Variants in SEL1L3 observed in about 807,000 individuals in gnomAD.
SEL1L3 encodes SEL1L family member 3.
SEL1L3 carries 76 observed loss-of-function variants against 142.8 expected under a neutral mutation model. The ratio of observed to expected loss-of-function variants is 0.53; its 90% confidence interval spans 0.44 to 0.64. The LOEUF (loss-of-function observed/expected upper bound fraction) is 0.64, where lower values mean the gene tolerates loss of function less well. Ranked by LOEUF, SEL1L3 falls within the 30% of genes least tolerant of loss-of-function variation. The pLI, the probability that SEL1L3 is intolerant of heterozygous loss-of-function variation, is 0.00. For synonymous variants in SEL1L3, 504 were observed against 519.6 expected (o/e 0.97, Z 0.41); for missense variants, 1,262 against 1,381.7 (o/e 0.91, Z 1.37).
At chr4:25,775,629 A>AG (rs1719557830) in intron 17 of SEL1L3, among the ~76,000 whole-genome samples, 1 of 152,228 alleles carries the variant, frequency 6.6e-6, no homozygotes, top group African/African-American at 2.4e-5. Context: ...AAGTTAGGAG[A>AG]GGGGTCCCTT....
intron 2 of SEL1L3, 86 bp downstream of exon 2, chr4:25,847,208 T>C: frequency 3.5e-6 from 4 of 1,130,228 alleles, no homozygotes; most frequent in Non-Finnish European, 5.1e-6. Context: ...CCTTCGCTAA[T>C]AGAAGAATTT....
At chr4:25,821,709 G>A (rs935219963) in intron 7 of SEL1L3, among the ~76,000 whole-genome samples, 4 of 152,160 alleles carry the variant, frequency 2.6e-5, no homozygotes, top group African/African-American at 9.7e-5. Context: ...TAGCTTAATC[G>A]CTGGATAGGC....
At chr4:25,812,234 GTTTGCCTGCC>G (rs1560322363) in intron 9 of SEL1L3, among the ~76,000 whole-genome samples, 2 of 152,134 alleles carry the variant, frequency 1.3e-5, no homozygotes, top group Non-Finnish European at 2.9e-5. Context: ...ACACTCCTCA[GTTTGCCTGCC>G]TGGCAAACAG....
rs746316596 is a variant in SEL1L3, at chr4:25,757,810, C to A, written c.3084-20G>T. 3 of 1,549,364 alleles carry A rather than the reference C, an allele frequency of 1.9e-6. No homozygotes were observed. The highest frequency in any genetic ancestry group is 2.7e-5 in the African/African-American group (2 of 73,340). ...CAGCACCTGCAGACAAAGCCCAGGG[C>A]ATCTTGACGTGTCAGCCAACTTTGG... On this transcript the variant is annotated intron_variant, in intron 21 of 23. Transcript: ENST00000399878.
intron 21 of SEL1L3, among the ~76,000 whole-genome samples, chr4:25,758,657 TTTTC>T (rs752088441): frequency 6.6e-6 from 1 of 151,106 alleles, no homozygotes; most frequent in Admixed American, 6.6e-5. Flanking sequence ...ATCCTGGGCT[TTTTC>T]TTTCTTTTCT....
intron 6 of SEL1L3, among the ~76,000 whole-genome samples, chr4:25,829,238 G>A (rs1033470832): frequency 3.3e-5 from 5 of 152,164 alleles, no homozygotes; most frequent in Non-Finnish European, 5.9e-5. Flanking sequence ...CTCCCAAAGC[G>A]CTGGGATTAC....
the SEL1L3 span, among the ~76,000 whole-genome samples, chr4:25,731,226 C>T: frequency 0.071 from 10,793 of 152,138 alleles, 791 homozygotes; most frequent in African/African-American, 0.18. Flanking sequence ...GATTTGTTGG[C>T]CCTATCTCTT....
At chr4:25,753,976 C>T (rs887068793) in intron 23 of SEL1L3, among the ~76,000 whole-genome samples, 86 of 133,476 alleles carry the variant, frequency 6.4e-4, no homozygotes, top group African/African-American at 2.2e-3. Flanking sequence ...AGTGAGACTC[C>T]GTCTCAACAT....
chr4:25,740,563 A>G, the SEL1L3 span, among the ~76,000 whole-genome samples: 3 of 152,110 alleles, frequency 2.0e-5, no homozygotes, highest in African/African-American at 7.2e-5. Flanking sequence ...TTGCTCTCTC[A>G]AACAGTGCTG....
intron 20 of SEL1L3, among the ~76,000 whole-genome samples, chr4:25,761,442 C>G (rs1010773514): frequency 3.3e-5 from 5 of 152,172 alleles, no homozygotes; most frequent in Non-Finnish European, 7.3e-5. Flanking sequence ...AGGGTTGAGC[C>G]ACCGCGCCCA....
intron 1 of SEL1L3, among the ~76,000 whole-genome samples, chr4:25,857,347 A>C (rs1043048419): frequency 6.6e-6 from 1 of 152,198 alleles, no homozygotes; most frequent in African/African-American, 2.4e-5. Flanking sequence ...CTGGTTGTGT[A>C]AGATTCTCCC....
At chr4:25,863,464 G>A (rs766417716), upstream of SEL1L3, 2 of 688,564 alleles carry the variant, frequency 2.9e-6, no homozygotes, top group Non-Finnish European at 5.3e-6. Flanking sequence ...ACCAGTTCCC[G>A]CCCGTGCAAT....
chr4:25,739,489 G>T, the SEL1L3 span, among the ~76,000 whole-genome samples: 620 of 152,144 alleles, frequency 4.1e-3, 7 homozygotes, highest in African/African-American at 0.014. Flanking sequence ...GGTAGATCAC[G>T]AGGTCAAGAG....
intron 9 of SEL1L3, among the ~76,000 whole-genome samples, chr4:25,807,841 A>G (rs1713704319): frequency 6.6e-6 from 1 of 152,108 alleles, no homozygotes; most frequent in Non-Finnish European, 1.5e-5. Flanking sequence ...TCTTTAGCAC[A>G]AAAAAAACTT....
chr4:25,810,291 A>G (rs1713931895), intron 9 of SEL1L3, among the ~76,000 whole-genome samples: 1 of 152,030 alleles, frequency 6.6e-6, no homozygotes, highest in Non-Finnish European at 1.5e-5. Flanking sequence ...CTCTGCCTTC[A>G]TGTCACCTGT....
chr4:25,730,576 A>G, the SEL1L3 span, among the ~76,000 whole-genome samples: 4,958 of 152,154 alleles, frequency 0.033, 112 homozygotes, highest in Middle Eastern at 0.065. Context: ...GATGTGTATA[A>G]TGTCTTTATA....
chr4:25,724,957 C>T, the SEL1L3 span, among the ~76,000 whole-genome samples: 469 of 151,982 alleles, frequency 3.1e-3, 3 homozygotes, highest in African/African-American at 0.01. Flanking sequence ...TCAAATCTGT[C>T]GGGCATGTCT....
intron 23 of SEL1L3, among the ~76,000 whole-genome samples, chr4:25,751,475 G>C (rs920719063): frequency 6.6e-6 from 1 of 151,892 alleles, no homozygotes; most frequent in African/African-American, 2.4e-5. Context: ...TGTGTGTTCT[G>C]CTATCAGGCT....
At chr4:25,780,824 TTA>T (rs61666514) in intron 15 of SEL1L3, among the ~76,000 whole-genome samples, 57,747 of 143,866 alleles carry the variant, frequency 0.4, 12,341 homozygotes, top group African/African-American at 0.55. Flanking sequence ...TATATATATT[TTA>T]TATATATATA....
Sources: gnomAD v4.1 joint callset for allele counts (sites outside exome capture counted in the v4.1 genomes callset) on GRCh38, gnomAD v4.1.1 for gene constraint, MANE v1.5 for transcripts, NCBI Gene and HGNC (gene_info 2026-07-23, HGNC 2026-07-21) for gene names.